ASAP1: variants seen among roughly 807,000 people sequenced by gnomAD.
The protein encoded by ASAP1 is ArfGAP with SH3 domain, ankyrin repeat and PH domain 1.
In ASAP1, 43 loss-of-function variants were observed where a neutral mutation model predicts 145.2. The ratio of observed to expected loss-of-function variants is 0.30; its 90% CI spans 0.23 to 0.38. The LOEUF (loss-of-function observed/expected upper bound fraction) is 0.38. ASAP1 is among the 10% of genes least tolerant of loss of function. ASAP1 has a pLI of 1.00. For synonymous variants in ASAP1, 546 were observed against 515.5 expected (o/e 1.06, Z -0.80); for missense variants, 1,018 against 1,355.3 (o/e 0.75, Z 3.91).
intron 4 of ASAP1, among the ~76,000 whole-genome samples, chr8:130,225,564 T>C (rs962381813): frequency 2.3e-4 from 35 of 152,190 alleles, no homozygotes; most frequent in Non-Finnish European, 3.8e-4. Flanking sequence ...TACTGCTATT[T>C]CAGATGGCCT....
chr8:130,115,617 T>C lies in ASAP1; in HGVS notation c.2172+11A>G, dbSNP rs2097554373. On this transcript the variant is annotated intron_variant, in intron 23 of 29. Transcript: ENST00000518721. ...AGTTGTTGAGAATTCGAGGACATAA[T>C]TTACACTCACTTTGTCATCCAGATC... The C allele has an allele frequency of 6.2e-7, 1 of 1,602,456 alleles. No individual in the cohort carries two copies. Among genetic ancestry groups the C allele is most frequent in the Non-Finnish European group, 8.5e-7 (1 of 1,169,942 alleles).
At chr8:130,195,923 A>G (rs1274705366) in intron 5 of ASAP1, among the ~76,000 whole-genome samples, 2 of 152,170 alleles carry the variant, frequency 1.3e-5, no homozygotes, top group Non-Finnish European at 2.9e-5. Context: ...TTTACCACTA[A>G]AAGAAATGAT....
At chr8:130,222,325 C>T (rs1817341646) in intron 4 of ASAP1, among the ~76,000 whole-genome samples, 1 of 152,214 alleles carries the variant, frequency 6.6e-6, no homozygotes. Context: ...TGCCTGCCAA[C>T]CTAACCTTTG....
At chr8:130,247,626 A>G (rs1041974378) in intron 3 of ASAP1, among the ~76,000 whole-genome samples, 1 of 152,170 alleles carries the variant, frequency 6.6e-6, no homozygotes, top group African/African-American at 2.4e-5. Flanking sequence ...TAAAACAGCT[A>G]AAGAGTAGTT....
intron 17 of ASAP1, 138 bp downstream of exon 17, chr8:130,125,818 A>T: frequency 3.7e-6 from 3 of 803,654 alleles, no homozygotes; most frequent in Non-Finnish European, 5.5e-6. Flanking sequence ...GTTACATTTT[A>T]AACGTCTACG....
chr8:130,268,030 T>C lies in ASAP1; in HGVS notation c.187-31036A>G, dbSNP rs570445930. ...CTCACTTCCATACACCCCAAGGAAATTGGTCACTAGGAGAAAAGTGGCTAA... is the reference window on the plus strand; with the variant it reads ...CTCACTTCCATACACCCCAAGGAAACTGGTCACTAGGAGAAAAGTGGCTAA... On this transcript the variant is annotated intron_variant, in intron 3 of 29. Transcript: ENST00000518721. Among the ~76,000 whole-genome samples the C allele has an allele frequency of 3.3e-5, 5 of 152,280 alleles. No individual in the cohort carries two copies. The East Asian group carries it at 5.8e-4, about 18-fold the overall frequency.
At chr8:130,240,828 C>A (rs895729650) in intron 3 of ASAP1, among the ~76,000 whole-genome samples, 1 of 152,136 alleles carries the variant, frequency 6.6e-6, no homozygotes, top group African/African-American at 2.4e-5. Flanking sequence ...TTATTTCACA[C>A]ATAGTCCTAA....
At chr8:130,319,335 T>C (rs1823862334) in intron 3 of ASAP1, among the ~76,000 whole-genome samples, 1 of 152,206 alleles carries the variant, frequency 6.6e-6, no homozygotes, top group South Asian at 2.1e-4. Flanking sequence ...AATAAAAGTA[T>C]GTTGAGAAAA....
chr8:130,416,799 T>G (rs76887152), intron 1 of ASAP1, among the ~76,000 whole-genome samples: 15,054 of 152,142 alleles, frequency 0.099, 1,009 homozygotes, highest in South Asian at 0.29. Flanking sequence ...AAAACAGAAA[T>G]CATAATGACC....
At chr8:130,398,200 A>G (rs761935781) in intron 2 of ASAP1, among the ~76,000 whole-genome samples, 24 of 152,210 alleles carry the variant, frequency 1.6e-4, no homozygotes, top group Non-Finnish European at 3.4e-4. Flanking sequence ...CTTTTACACT[A>G]ATGAAACATC....
At chr8:130,320,308 C>A (rs1282307241) in intron 3 of ASAP1, among the ~76,000 whole-genome samples, 2 of 152,276 alleles carry the variant, frequency 1.3e-5, no homozygotes, top group Non-Finnish European at 2.9e-5. Flanking sequence ...GTAATCCCAG[C>A]ACTTTGGGAG....
intron 27 of ASAP1, among the ~76,000 whole-genome samples, chr8:130,062,756 A>G (rs551559413): frequency 4.6e-5 from 7 of 152,246 alleles, no homozygotes; most frequent in Non-Finnish European, 7.3e-5. Context: ...TGTTTGGCAC[A>G]GTACTGCTTA....
At chr8:130,440,300 A>G (rs982980654) in intron 1 of ASAP1, among the ~76,000 whole-genome samples, 3 of 152,132 alleles carry the variant, frequency 2.0e-5, no homozygotes, top group Admixed American at 2.0e-4. Context: ...TGAGGTCAGG[A>G]GTTTGAGACC....
intron 3 of ASAP1, among the ~76,000 whole-genome samples, chr8:130,298,864 C>T (rs2137392827): frequency 6.6e-6 from 1 of 152,302 alleles, no homozygotes; most frequent in Admixed American, 6.5e-5. Context: ...CCACACTCCA[C>T]TGTAAACTCC....
At chr8:130,299,701 G>A (rs1303447581) in intron 3 of ASAP1, among the ~76,000 whole-genome samples, 27 of 152,062 alleles carry the variant, frequency 1.8e-4, no homozygotes. Context: ...AGATCAAGAA[G>A]ACAAAAATCA....
intron 27 of ASAP1, among the ~76,000 whole-genome samples, chr8:130,070,138 G>A (rs1012530928): frequency 3.3e-5 from 5 of 150,058 alleles, no homozygotes; most frequent in Admixed American, 6.6e-5. Flanking sequence ...CCGGGTTCAC[G>A]CCATTCTCCT....
chr8:130,260,712 T>C (rs1319152132), intron 3 of ASAP1, among the ~76,000 whole-genome samples: 1 of 152,100 alleles, frequency 6.6e-6, no homozygotes, highest in Non-Finnish European at 1.5e-5. Flanking sequence ...TGGATCAATT[T>C]GGCCTCTGAA....
intron 1 of ASAP1, among the ~76,000 whole-genome samples, chr8:130,417,509 A>G (rs6470818): frequency 0.96 from 146,005 of 152,232 alleles, 70,234 homozygotes; most frequent in Non-Finnish European, 1. Flanking sequence ...CCCTTCTCAC[A>G]GTTCAGAGAT....
intron 1 of ASAP1, 96 bp from the exon 2 acceptor site, chr8:130,402,066 C>A: frequency 1.3e-6 from 1 of 754,832 alleles, no homozygotes; most frequent in Non-Finnish European, 2.2e-6. Flanking sequence ...CATATGGAGG[C>A]TGCACCTTTG....
Sources: gnomAD v4.1 joint callset for allele counts (sites outside exome capture counted in the v4.1 genomes callset) on GRCh38, gnomAD v4.1.1 for gene constraint, MANE v1.5 for transcripts, NCBI Gene and HGNC (gene_info 2026-07-23, HGNC 2026-07-21) for gene names.